CISD2: variants seen among roughly 807,000 people sequenced by gnomAD.
CISD2 encodes CDGSH iron-sulfur domain-containing protein 2.
Under a neutral mutation model 12.9 loss-of-function variants are expected in CISD2, and 1 was observed. The observed-to-expected ratio is 0.08, with a 90% CI of 0.03 to 0.37. The LOEUF (loss-of-function observed/expected upper bound fraction) is 0.37, where lower values mean the gene tolerates loss of function less well. Among genes scored for constraint, CISD2 ranks in the 10% least tolerant of loss-of-function variants. The pLI is 0.99. For synonymous variants in CISD2, 50 were observed against 60.6 expected (o/e 0.83, Z 0.81); for missense variants, 97 against 163.1 (o/e 0.59, Z 2.21).
chr4:102,883,958 T>C (rs1013764404), intron 1 of CISD2, among the ~76,000 whole-genome samples: 1 of 152,224 alleles, frequency 6.6e-6, no homozygotes, highest in East Asian at 1.9e-4. Context: ...AAATGGTAGA[T>C]AAATAGGTTT....
At chr4:102,884,064 T>G (rs1449697627) in intron 1 of CISD2, among the ~76,000 whole-genome samples, 1 of 152,226 alleles carries the variant, frequency 6.6e-6, no homozygotes, top group Non-Finnish European at 1.5e-5. Flanking sequence ...AATAGTACTA[T>G]TATCTCCTGA....
At chr4:102,870,096 G>T (rs991338624) in intron 1 of CISD2, among the ~76,000 whole-genome samples, 4 of 152,206 alleles carry the variant, frequency 2.6e-5, no homozygotes, top group Non-Finnish European at 5.9e-5. Flanking sequence ...GGTTATCAGG[G>T]AGTGCAAACA....
At chr4:102,883,027 T>C (rs1733761353) in intron 1 of CISD2, among the ~76,000 whole-genome samples, 1 of 152,204 alleles carries the variant, frequency 6.6e-6, no homozygotes, top group Non-Finnish European at 1.5e-5. Flanking sequence ...ATTATAGGCA[T>C]GAGCCACCAC....
rs146926605 is a variant in CISD2 at position 102,881,388 on chromosome 4, C to T, written c.104-3828C>T. On this transcript the variant is annotated intron_variant, in intron 1 of 2. Transcript: ENST00000273986. ...AGCATAATAGGGTGACTATTGTTAT[C>T]AGTAATTTTAGTGTATATTTCAAAA... Among the ~76,000 whole-genome samples the T allele has an allele frequency of 1.3e-3, 204 of 152,146 alleles. No individual in the cohort carries two copies. The Middle Eastern group carries it at 0.017, about 13-fold the overall frequency.
rs184652005 is a variant in CISD2, at chr4:102,886,596, A to T, written c.319-745A>T. Among the ~76,000 whole-genome samples, 644 of 152,256 alleles carry T rather than the reference A, an allele frequency of 4.2e-3. 1 individual carries two copies. Among genetic ancestry groups the T allele is most frequent in the African/African-American group, 0.015 (609 of 41,554 alleles). ...TGGATGGGTTATGAGTGAATTTTTTAAAATTTATTTTTATTTATTCTTTAT... is the reference window on the plus strand; with the variant it reads ...TGGATGGGTTATGAGTGAATTTTTTTAAATTTATTTTTATTTATTCTTTAT... On this transcript the variant is annotated intron_variant, in intron 2 of 2. Transcript: ENST00000273986.
intron 1 of CISD2, among the ~76,000 whole-genome samples, chr4:102,880,603 G>C (rs1012903644): frequency 2.0e-5 from 3 of 151,902 alleles, no homozygotes; most frequent in Admixed American, 1.3e-4. Flanking sequence ...ACTTGAACCT[G>C]GGAGGCAGAG....
At chr4:102,879,407 G>A (rs1733664688) in intron 1 of CISD2, among the ~76,000 whole-genome samples, 1 of 152,072 alleles carries the variant, frequency 6.6e-6, no homozygotes, top group South Asian at 2.1e-4. Context: ...CAAACTTTCT[G>A]GGGCAATGGA....
intron 2 of CISD2, among the ~76,000 whole-genome samples, chr4:102,886,460 C>T (rs555514251): frequency 3.6e-4 from 54 of 151,838 alleles, no homozygotes; most frequent in Non-Finnish European, 6.3e-4. Context: ...CACTGCACTC[C>T]AGCCTGGGCG....
intron 1 of CISD2, 86 bp from the exon 2 acceptor site, chr4:102,885,130 A>G: frequency 2.8e-6 from 3 of 1,083,914 alleles, no homozygotes; most frequent in Non-Finnish European, 4.2e-6. Context: ...AAAGTAACAA[A>G]GAATAAGCTC....
At position 102,890,427 on chromosome 4, in the gene CISD2, A is replaced by G. The variant is rs1734180805; in HGVS notation, c.*2997A>G. On this transcript the variant is annotated 3_prime_UTR_variant, in exon 3 of 3. Transcript: ENST00000273986. ...TAGGTGGATGTTTTATTTGATACCT[A>G]CCAAAGAAGCCTAAGTAATTGTATA... 6.6e-6 allele frequency: 1 copy of G among 152,186 alleles called. No homozygotes were observed. Among genetic ancestry groups the G allele is most frequent in the Non-Finnish European group, 1.5e-5 (1 of 68,030 alleles). 9.4% of individuals were successfully genotyped at this position (152,186 alleles called of 1,614,324 possible). A position where few individuals can be genotyped will look rare whatever the true frequency, so the allele number is the denominator to read the frequency against.
intron 1 of CISD2, among the ~76,000 whole-genome samples, chr4:102,881,737 TA>T (rs1560904358): frequency 2.0e-5 from 3 of 152,210 alleles, no homozygotes; most frequent in Non-Finnish European, 4.4e-5. Context: ...TTGTAGGAGG[TA>T]ATAGTACCTC....
intron 1 of CISD2, among the ~76,000 whole-genome samples, chr4:102,880,558 A>G (rs1160321365): frequency 1.3e-5 from 2 of 152,126 alleles, no homozygotes; most frequent in African/African-American, 4.8e-5. Context: ...CACGTCCATA[A>G]TCCCAGCTAT....
intron 1 of CISD2, among the ~76,000 whole-genome samples, chr4:102,873,989 G>C (rs1020713779): frequency 6.6e-6 from 1 of 151,962 alleles, no homozygotes; most frequent in African/African-American, 2.4e-5. Flanking sequence ...AGCCGGGTGT[G>C]GTAGTGCACA....
At position 102,868,998 on chromosome 4, in the gene CISD2, C is replaced by G; in HGVS notation, c.-87C>G. The G allele has an allele frequency of 6.9e-7, 1 of 1,440,528 alleles. No homozygotes were observed. Among genetic ancestry groups the G allele is most frequent in the Non-Finnish European group, 9.1e-7 (1 of 1,094,750 alleles). The allele number at this position is 1,440,528 out of a possible 1,614,324, so 89.2% of individuals were successfully genotyped here. On this transcript the variant is annotated 5_prime_UTR_variant, in exon 1 of 3. Coordinates refer to ENST00000273986, the MANE Select transcript of CISD2 (RefSeq NM_001008388.5). ...CGCCCAGGCCGAGGCCGCCAGTGCC[C>G]GCCGGCCGCTTCCGCTCCCGGCGCA...
At chr4:102,876,327 AGTCCTGT>A (rs1733590833) in intron 1 of CISD2, among the ~76,000 whole-genome samples, 1 of 152,226 alleles carries the variant, frequency 6.6e-6, no homozygotes, top group Non-Finnish European at 1.5e-5. Flanking sequence ...TGTTTACTGA[AGTCCTGT>A]TATGTGCAAA....
At position 102,869,544 on chromosome 4, in the gene CISD2, AGTCGTCGT is replaced by A. The variant is rs1215418536; in HGVS notation, c.103+358_103+365del. On this transcript the variant is annotated intron_variant, in intron 1 of 2. Coordinates refer to ENST00000273986, the MANE Select transcript of CISD2 (RefSeq NM_001008388.5). ...TACTTGTTTATTTTAAAGCGGGCTA[AGTCGTCGT>A]TATCTAAGGCCTCATGTAACAGGCA... 16 of 702,018 alleles carry A rather than the reference AGTCGTCGT, an allele frequency of 2.3e-5. No homozygotes were observed. In the Admixed American group the frequency reaches 2.8e-4, roughly 12 times the overall value. 43.5% of individuals were successfully genotyped at this position (702,018 alleles called of 1,614,324 possible). A position where few individuals can be genotyped will look rare whatever the true frequency, so the allele number is the denominator to read the frequency against.
chr4:102,888,956 A>G lies in CISD2; in HGVS notation c.*1526A>G, dbSNP rs537045752. 36 of 152,368 alleles carry G rather than the reference A, an allele frequency of 2.4e-4. No homozygotes were observed. In the East Asian group the frequency reaches 2.5e-3, roughly 11 times the overall value. 9.4% of individuals were successfully genotyped at this position (152,368 alleles called of 1,614,324 possible). ...ATTCAGTTCACTTTGCTTTCTTTTT[A>G]TAAGAATGTACAAGAGGCAGACAGA... On this transcript the variant is annotated 3_prime_UTR_variant, in exon 3 of 3. Transcript: ENST00000273986.
chr4:102,869,452 G>C, intron 1 of CISD2: 1 of 703,508 alleles, frequency 1.4e-6, no homozygotes. Context: ...TTTTTGCAGA[G>C]AAGGTGCTGA....
Position 102,892,266 on chromosome 4 carries a change from C to T in CISD2, c.*4836C>T, listed in dbSNP as rs531268911. ...AGAGACAGAGTCTCACTGTGTTACC[C>T]AGGCTGGTCTCGAAGTCCTGGACTC... On this transcript the variant is annotated 3_prime_UTR_variant, in exon 3 of 3. Transcript: ENST00000273986. 1 of 152,260 alleles carries T rather than the reference C, an allele frequency of 6.6e-6. No homozygotes were observed. The highest frequency in any genetic ancestry group is 6.5e-5 in the Admixed American group (1 of 15,286). 9.4% of individuals were successfully genotyped at this position (152,260 alleles called of 1,614,324 possible).
Sources: gnomAD v4.1 joint callset for allele counts (sites outside exome capture counted in the v4.1 genomes callset) on GRCh38, gnomAD v4.1.1 for gene constraint, MANE v1.5 for transcripts, NCBI Gene and HGNC (gene_info 2026-07-23, HGNC 2026-07-21) for gene names.